PLXDC2: variants seen among roughly 807,000 people sequenced by gnomAD.
PLXDC2 encodes plexin domain-containing protein 2.
A neutral mutation model predicts 68.9 loss-of-function variants in PLXDC2; 40 were observed. The ratio of observed to expected loss-of-function variants is 0.58; its 90% confidence interval spans 0.45 to 0.76. The LOEUF (loss-of-function observed/expected upper bound fraction) is 0.76, where lower values mean the gene tolerates loss of function less well. Among genes scored for constraint, PLXDC2 ranks in the 30% least tolerant of loss-of-function variants. The probability of loss-of-function intolerance (pLI) is 0.00; values close to 1 mark genes in which losing one functional copy is unlikely to be tolerated. For missense variants in PLXDC2, 644 were observed against 661.9 expected, an observed-to-expected ratio of 0.97 and a Z score of 0.30; for synonymous variants, 243 against 234.2, an observed-to-expected ratio of 1.04 and a Z score of -0.34.
At chr10:19,994,572 C>T (rs1383599756) in intron 1 of PLXDC2, among the ~76,000 whole-genome samples, 2 of 151,742 alleles carry the variant, frequency 1.3e-5, no homozygotes, top group Non-Finnish European at 1.5e-5. Context: ...AGGTCTCCAT[C>T]TCCTGGTCTC....
Position 20,217,635 on chromosome 10 carries a change from A to T in PLXDC2, c.1273+59A>T. 4.1e-6 allele frequency: 6 copies of T among 1,451,442 alleles called. No homozygotes were observed. The South Asian group carries it at 8.5e-5, about 20-fold the overall frequency. The allele number at this position is 1,451,442 out of a possible 1,614,324, so 89.9% of individuals were successfully genotyped here. On this transcript the variant is annotated intron_variant, in intron 11 of 13. Transcript: ENST00000377252. ...TTTTTTTTTTTTTTTCCCTGAAGGA[A>T]GGAAAAATCACTGTGTTGACATGTA...
intron 1 of PLXDC2, among the ~76,000 whole-genome samples, chr10:19,880,862 A>C (rs1254618995): frequency 6.6e-6 from 1 of 152,224 alleles, no homozygotes; most frequent in Non-Finnish European, 1.5e-5. Context: ...TGATTCATAA[A>C]AATAACTTTG....
intron 7 of PLXDC2, among the ~76,000 whole-genome samples, chr10:20,165,181 A>G (rs993365706): frequency 6.6e-6 from 1 of 152,168 alleles, no homozygotes; most frequent in Non-Finnish European, 1.5e-5. Flanking sequence ...GACATAAAAC[A>G]GTGACAGATT....
chr10:19,932,009 A>G (rs1833644335), intron 1 of PLXDC2, among the ~76,000 whole-genome samples: 1 of 151,024 alleles, frequency 6.6e-6, no homozygotes, highest in African/African-American at 2.4e-5. Flanking sequence ...TCTTATAAAA[A>G]CTTCCTGCCT....
intron 9 of PLXDC2, among the ~76,000 whole-genome samples, chr10:20,191,864 G>A (rs10827992): frequency 0.47 from 72,032 of 151,740 alleles, 17,287 homozygotes; most frequent in Middle Eastern, 0.56. Flanking sequence ...AAGAAAGGAC[G>A]GGAGGGCTGT....
At chr10:20,027,657 TTCTC>T (rs1835426164) in intron 2 of PLXDC2, among the ~76,000 whole-genome samples, 1 of 151,400 alleles carries the variant, frequency 6.6e-6, no homozygotes, top group African/African-American at 2.4e-5. Flanking sequence ...TGAAGATACT[TTCTC>T]TCAACACTTG....
At chr10:20,034,601 T>A (rs1430036652) in intron 2 of PLXDC2, among the ~76,000 whole-genome samples, 2 of 152,218 alleles carry the variant, frequency 1.3e-5, no homozygotes, top group African/African-American at 4.8e-5. Flanking sequence ...TGGTTTGAGA[T>A]CTCTAATGTT....
In PLXDC2 at chr10:19,886,698, C is replaced by T. The variant is rs2131356005; in HGVS notation, c.112+69507C>T. On this transcript the variant is annotated intron_variant, in intron 1 of 13. Transcript: ENST00000377252. Reference sequence around the variant, plus strand: ...GAATGGGCAAAAACTGGAAGCATTCCCTTTGAAAACTGGCACAAGACAGGG... The same window carrying T: ...GAATGGGCAAAAACTGGAAGCATTCTCTTTGAAAACTGGCACAAGACAGGG... Among the ~76,000 whole-genome samples the T allele has an allele frequency of 2.0e-5, 3 of 152,230 alleles. No homozygotes were observed. In the Middle Eastern group the frequency reaches 0.01, roughly 518 times the overall value.
chr10:20,187,605 T>A (rs976586511), intron 9 of PLXDC2, among the ~76,000 whole-genome samples: 2 of 151,862 alleles, frequency 1.3e-5, no homozygotes, highest in African/African-American at 4.8e-5. Flanking sequence ...TTTTTGCAGG[T>A]CTTCTTAATG....
chr10:19,907,451 C>G (rs1833186425), intron 1 of PLXDC2, among the ~76,000 whole-genome samples: 1 of 152,128 alleles, frequency 6.6e-6, no homozygotes, highest in African/African-American at 2.4e-5. Flanking sequence ...GGATAGTGTT[C>G]TGGGATCAAC....
intron 4 of PLXDC2, among the ~76,000 whole-genome samples, chr10:20,105,068 A>T (rs1189741826): frequency 6.6e-6 from 1 of 150,950 alleles, no homozygotes; most frequent in Non-Finnish European, 1.5e-5. Context: ...AAAAAAAAAA[A>T]AAAGAGCTTC....
At chr10:20,196,712 A>T (rs1020422034) in intron 9 of PLXDC2, among the ~76,000 whole-genome samples, 5 of 152,172 alleles carry the variant, frequency 3.3e-5, no homozygotes, top group Admixed American at 3.3e-4. Context: ...GTTAAATGGG[A>T]AAAAATATTG....
rs66483508 is a variant in PLXDC2, at chr10:20,217,596, C to CTTTTTTT, written c.1273+42_1273+48dup. On this transcript the variant is annotated intron_variant, in intron 11 of 13. Coordinates refer to ENST00000377252, the MANE Select transcript of PLXDC2 (RefSeq NM_032812.9). ...CAGAAGGTACCCAAGAGATAGTTTG[C>CTTTTTTT]TTTTTTTTTTTTTTTTTTTTTTTTT... The CTTTTTTT allele has an allele frequency of 9.7e-5, 76 of 785,124 alleles. 1 individual carries two copies. The highest frequency in any genetic ancestry group is 5.7e-4 in the Middle Eastern group (1 of 1,748). The allele number at this position is 785,124 out of a possible 1,614,324, so 48.6% of individuals were successfully genotyped here. A position where few individuals can be genotyped will look rare whatever the true frequency, so the allele number is the denominator to read the frequency against.
At chr10:20,131,819 T>C (rs1833871835) in intron 4 of PLXDC2, among the ~76,000 whole-genome samples, 1 of 152,184 alleles carries the variant, frequency 6.6e-6, no homozygotes, top group Admixed American at 6.5e-5. Context: ...TTCTAGTCCC[T>C]ATATCATTCA....
In PLXDC2 at chr10:20,217,590, AG is replaced by A. The variant is rs1431031293; in HGVS notation, c.1273+15del. 3 of 587,168 alleles carry A rather than the reference AG, an allele frequency of 5.1e-6. No homozygotes were observed. The highest frequency in any genetic ancestry group is 2.6e-5 in the African/African-American group (1 of 38,366). The allele number at this position is 587,168 out of a possible 1,614,324, so 36.4% of individuals were successfully genotyped here. ...TCCCTACAGAAGGTACCCAAGAGAT[AG>A]TTTGCTTTTTTTTTTTTTTTTTTTT... is the stretch of plus-strand genomic sequence containing the variant. On this transcript the variant is annotated intron_variant, in intron 11 of 13. Coordinates refer to ENST00000377252, the MANE Select transcript of PLXDC2 (RefSeq NM_032812.9).
intron 4 of PLXDC2, among the ~76,000 whole-genome samples, chr10:20,114,154 T>G (rs1359886833): frequency 6.6e-6 from 1 of 152,066 alleles, no homozygotes; most frequent in African/African-American, 2.4e-5. Context: ...AGAAAACAAT[T>G]AGGCAAATCT....
chr10:20,204,559 A>C (rs566110251), intron 9 of PLXDC2, among the ~76,000 whole-genome samples: 1 of 152,286 alleles, frequency 6.6e-6, no homozygotes, highest in South Asian at 2.1e-4. Flanking sequence ...TAAGGCTAAA[A>C]GGATCATATA....
chr10:19,889,234 T>G (rs1256917884), intron 1 of PLXDC2, among the ~76,000 whole-genome samples: 4 of 152,014 alleles, frequency 2.6e-5, no homozygotes, highest in Non-Finnish European at 5.9e-5. Context: ...TTATTTTTCT[T>G]CAAATTCATA....
intron 2 of PLXDC2, among the ~76,000 whole-genome samples, chr10:20,031,312 G>A (rs907878584): frequency 2.6e-5 from 4 of 151,934 alleles, no homozygotes; most frequent in Admixed American, 2.0e-4. Flanking sequence ...CCAGGCTGCA[G>A]TGAGACACAA....
Sources: allele counts gnomAD v4.1 joint callset (sites outside exome capture counted in the v4.1 genomes callset), GRCh38; gene constraint gnomAD v4.1.1; transcripts MANE v1.5; gene names NCBI Gene and HGNC (gene_info 2026-07-23, HGNC 2026-07-21).